The following FGF13 variants were observed in gnomAD, a reference collection of about 807,000 sequenced individuals.
FGF13 encodes the protein fibroblast growth factor 13.
FGF13 carries 2 observed loss-of-function variants against 19.5 expected under a neutral mutation model. The observed-to-expected ratio is 0.10, with a 90% CI of 0.04 to 0.32. The LOEUF (loss-of-function observed/expected upper bound fraction) is 0.32. Ranked by LOEUF, FGF13 falls within the 10% of genes least tolerant of loss-of-function variation. The pLI, the probability that FGF13 is intolerant of heterozygous loss-of-function variation, is 1.00. For synonymous variants in FGF13, 72 were observed against 76.9 expected, an observed-to-expected ratio of 0.94 and a Z score of 0.33; for missense variants, 113 against 192.7, an observed-to-expected ratio of 0.59 and a Z score of 2.45.
chrX:138,669,393 C>T (rs1382428670), intron 3 of FGF13, among the ~76,000 whole-genome samples: 1 of 111,075 alleles, frequency 9.0e-6, no homozygotes, highest in African/African-American at 3.3e-5. Context: ...AGAGGATGTA[C>T]TCCAGTGGTA....
rs371038456 is a variant in FGF13 at position 138,708,823 on chromosome X, G to A, written c.293C>T (p.Thr98Ile). ...TTTATTTTGCAGTCACTTACTGTAA[G>A]TGCTGTCCTCATCTTTGGTGCCATC... ...TIDGTKDEDS[T>I]YTLFNLIPVG... The change falls in exon 2 of 5, where the codon ACT (threonine) becomes ATT (isoleucine). Residue 98 changes from threonine (T) to isoleucine (I), a missense_variant. Thr to Ile is a moderately conservative substitution (Grantham distance 89). Coordinates refer to ENST00000315930, the MANE Select transcript of FGF13 (RefSeq NM_004114.5). 4 of 1,189,236 alleles carry A rather than the reference G, an allele frequency of 3.4e-6. No homozygotes were observed. The highest frequency in any genetic ancestry group is 4.6e-6 in the Non-Finnish European group (4 of 875,307).
chrX:138,882,769 T>G (rs1040682942), intron 1 of FGF13, among the ~76,000 whole-genome samples: 1 of 111,637 alleles, frequency 9.0e-6, no homozygotes, highest in East Asian at 2.8e-4. Flanking sequence ...TCAAACAAAC[T>G]CTTGCATGGA....
intron 1 of FGF13, among the ~76,000 whole-genome samples, chrX:138,947,106 T>G (rs771567180): frequency 1.8e-5 from 2 of 111,933 alleles, no homozygotes; most frequent in East Asian, 5.7e-4. Context: ...ATCACTTTGC[T>G]GTCATCATTT....
upstream of FGF13, chrX:139,203,995 C>A (rs372671282): frequency 1.0e-4 from 117 of 1,136,877 alleles, no homozygotes; most frequent in Middle Eastern, 1.7e-3. Context: ...GAGGGCGGCG[C>A]GCACGCGAGG....
chrX:138,790,517 G>A (rs1310265141), intron 3 of FGF13, among the ~76,000 whole-genome samples: 1 of 110,726 alleles, frequency 9.0e-6, no homozygotes, highest in Non-Finnish European at 1.9e-5. Context: ...TCCATCACCT[G>A]GTCCTGGCGA....
intron 1 of FGF13, among the ~76,000 whole-genome samples, chrX:139,111,553 G>GA (rs2083601529): frequency 8.9e-6 from 1 of 111,902 alleles, no homozygotes; most frequent in Admixed American, 9.5e-5. Context: ...TTTGATTAAA[G>GA]CATATCAATA....
At chrX:138,881,366 C>CA (rs1249743926) in intron 1 of FGF13, among the ~76,000 whole-genome samples, 73 of 110,522 alleles carry the variant, frequency 6.6e-4, no homozygotes, top group Middle Eastern at 4.7e-3. Context: ...ATGTCACATG[C>CA]AAAAAAAACA....
intron 1 of FGF13, among the ~76,000 whole-genome samples, chrX:139,180,134 T>G (rs2084227308): frequency 1.8e-5 from 2 of 112,467 alleles, no homozygotes; most frequent in Non-Finnish European, 3.8e-5. Flanking sequence ...ACCTACTGCT[T>G]TTATCATAAA....
intron 1 of FGF13, among the ~76,000 whole-genome samples, chrX:139,154,972 A>G (rs1325727645): frequency 8.9e-6 from 1 of 111,782 alleles, no homozygotes; most frequent in Non-Finnish European, 1.9e-5. Context: ...TTTCCCAGAC[A>G]AGGATGTTGA....
chrX:138,910,306 A>C (rs2124224307), intron 1 of FGF13, among the ~76,000 whole-genome samples: 1 of 110,978 alleles, frequency 9.0e-6, no homozygotes, highest in South Asian at 3.9e-4. Flanking sequence ...GATTGGCAAG[A>C]TGTGCCATAT....
intron 3 of FGF13, among the ~76,000 whole-genome samples, chrX:138,680,582 T>C (rs1057177551): frequency 6.3e-5 from 7 of 111,773 alleles, no homozygotes; most frequent in African/African-American, 9.8e-5. Context: ...GAATCTTTTT[T>C]TCCCCCCAGC....
intron 1 of FGF13, among the ~76,000 whole-genome samples, chrX:139,027,297 G>A (rs370371712): frequency 4.2e-4 from 47 of 112,271 alleles, no homozygotes; most frequent in African/African-American, 1.5e-3. Context: ...TTTGGAAGTG[G>A]CATTAATGCA....
chrX:138,930,442 C>A (rs191171090), intron 1 of FGF13, among the ~76,000 whole-genome samples: 6 of 111,762 alleles, frequency 5.4e-5, no homozygotes, highest in South Asian at 3.7e-4. Flanking sequence ...AAATATGATC[C>A]GGTGCTTTCT....
At chrX:138,972,910 ATT>A (rs145114196) in intron 1 of FGF13, among the ~76,000 whole-genome samples, 7 of 107,002 alleles carry the variant, frequency 6.5e-5, no homozygotes, top group East Asian at 3.0e-4. Flanking sequence ...TTACTTCATT[ATT>A]TTTTTTTTCT....
At chrX:138,987,360 G>T (rs1006240105) in intron 1 of FGF13, among the ~76,000 whole-genome samples, 8 of 111,695 alleles carry the variant, frequency 7.2e-5, no homozygotes, top group African/African-American at 2.6e-4. Context: ...AAGCCTCTGG[G>T]TTATTCTGAA....
chrX:139,111,191 T>G (rs1451598218), intron 1 of FGF13, among the ~76,000 whole-genome samples: 1 of 111,997 alleles, frequency 8.9e-6, no homozygotes, highest in Non-Finnish European at 1.9e-5. Flanking sequence ...AGATCAGGTA[T>G]ATGCAGCATA....
rs1239149836 is a variant in FGF13, at chrX:138,702,985, G to A, written c.401C>T (p.Ser134Leu). Residue 134 changes from serine to leucine, a missense_variant and splice_region_variant, in exon 3 of 5, where the codon TCG becomes TTG. This residue lies in a region of FGF13 where 51 missense variants were observed against 78.5 expected (regional missense o/e 0.65). Coordinates refer to ENST00000315930, the MANE Select transcript of FGF13 (RefSeq NM_004114.5). ...ACATGCACACAGTCAAAAGCTTACC[G>A]AGGTGTACAAGTATCCCTCACTGTT... ...AMNSEGYLYT[S>L]ELFTPECKFK... 1.7e-6 allele frequency: 2 copies of A among 1,188,055 alleles called. No homozygotes were observed. Among genetic ancestry groups the A allele is most frequent in the Non-Finnish European group, 2.3e-6 (2 of 875,255 alleles).
chrX:138,807,513 T>A (rs893261196), intron 3 of FGF13, among the ~76,000 whole-genome samples: 2 of 111,901 alleles, frequency 1.8e-5, no homozygotes, highest in Non-Finnish European at 3.8e-5. Context: ...AGACTATCGA[T>A]GCTAGGAAGA....
chrX:138,905,424 G>C (rs1053833590), intron 1 of FGF13, among the ~76,000 whole-genome samples: 1 of 111,853 alleles, frequency 8.9e-6, no homozygotes, highest in Non-Finnish European at 1.9e-5. Context: ...CTATGCTCAG[G>C]ATAAAAATGA....
Sources: allele counts gnomAD v4.1 joint callset (sites outside exome capture counted in the v4.1 genomes callset), GRCh38; gene constraint gnomAD v4.1.1; regional missense constraint gnomAD v4.1.1; transcripts MANE v1.5; gene names NCBI Gene and HGNC (gene_info 2026-07-23, HGNC 2026-07-21).